PSD3: variants seen among roughly 807,000 people sequenced by gnomAD.
The protein encoded by PSD3 is PH and SEC7 domain-containing protein 3.
A neutral mutation model predicts 105.5 loss-of-function variants in PSD3; 49 were observed. The observed-to-expected ratio is 0.46, with a 90% CI of 0.37 to 0.59. PSD3 has a LOEUF of 0.59. Ranked by LOEUF, PSD3 falls within the 20% of genes least tolerant of loss-of-function variation. The pLI is 0.00. For synonymous variants in PSD3, 557 were observed against 457.8 expected (o/e 1.22, Z -2.77); for missense variants, 1,561 against 1,263.8 (o/e 1.24, Z -3.57).
intron 15 of PSD3, among the ~76,000 whole-genome samples, chr8:18,549,384 T>G (rs919490923): frequency 7.2e-5 from 11 of 152,260 alleles, no homozygotes; most frequent in Middle Eastern, 3.4e-3. Context: ...TTTCTTTGTA[T>G]TTTTAATTGA....
intron 2 of PSD3, among the ~76,000 whole-genome samples, chr8:18,928,192 C>T (rs893461553): frequency 9.2e-5 from 14 of 152,210 alleles, no homozygotes; most frequent in African/African-American, 3.1e-4. Flanking sequence ...ATAATGGAAT[C>T]ATGCGGGCAG....
At chr8:18,749,958 C>T (rs1255072683) in intron 9 of PSD3, among the ~76,000 whole-genome samples, 1 of 152,124 alleles carries the variant, frequency 6.6e-6, no homozygotes. Context: ...AGACACAGTC[C>T]TGCCTAAATC....
chr8:18,730,763 T>TA (rs1246194543), intron 9 of PSD3, among the ~76,000 whole-genome samples: 3 of 152,172 alleles, frequency 2.0e-5, no homozygotes, highest in African/African-American at 4.8e-5. Context: ...AGCCTTGTCT[T>TA]AGAGTTTAAG....
intron 12 of PSD3, among the ~76,000 whole-genome samples, chr8:18,578,683 C>T (rs2130385787): frequency 6.6e-6 from 1 of 151,448 alleles, no homozygotes; most frequent in Non-Finnish European, 1.5e-5. Flanking sequence ...CTGATATCTT[C>T]ATTTAAAATC....
chr8:18,852,962 A>T (rs1815713044), intron 4 of PSD3, among the ~76,000 whole-genome samples: 1 of 152,146 alleles, frequency 6.6e-6, no homozygotes, highest in African/African-American at 2.4e-5. Context: ...CCTATTTCAT[A>T]CACGAAGAAG....
intron 1 of PSD3, among the ~76,000 whole-genome samples, chr8:19,063,510 C>A (rs1354980709): frequency 6.6e-6 from 1 of 152,156 alleles, no homozygotes; most frequent in East Asian, 1.9e-4. Flanking sequence ...CCTTACACAA[C>A]CCCGCGATCT....
chr8:18,958,056 G>C (rs1461151655), intron 1 of PSD3, among the ~76,000 whole-genome samples: 1 of 152,094 alleles, frequency 6.6e-6, no homozygotes, highest in Non-Finnish European at 1.5e-5. Flanking sequence ...ACATACCAAA[G>C]AGGAAGGTAC....
intron 11 of PSD3, among the ~76,000 whole-genome samples, chr8:18,609,486 A>T (rs530135118): frequency 6.6e-6 from 1 of 152,380 alleles, no homozygotes; most frequent in Admixed American, 6.5e-5. Flanking sequence ...TAAGTGAGAC[A>T]TCATCTATAC....
At chr8:18,697,339 C>A (rs1398328767) in intron 9 of PSD3, among the ~76,000 whole-genome samples, 1 of 152,154 alleles carries the variant, frequency 6.6e-6, no homozygotes, top group Non-Finnish European at 1.5e-5. Flanking sequence ...AGTACTTTTA[C>A]CATCCACTCC....
chr8:18,734,810 T>G (rs960064444), intron 9 of PSD3, among the ~76,000 whole-genome samples: 6 of 152,192 alleles, frequency 3.9e-5, no homozygotes, highest in Non-Finnish European at 4.4e-5. Flanking sequence ...AGTTTCTCAT[T>G]CTGATGTTTT....
intron 9 of PSD3, among the ~76,000 whole-genome samples, chr8:18,723,140 A>C (rs1803114328): frequency 2.0e-5 from 3 of 152,188 alleles, no homozygotes; most frequent in African/African-American, 7.2e-5. Context: ...ATGCCTCTTA[A>C]GAGTGACCCA....
chr8:18,793,092 G>A (rs978733454), intron 8 of PSD3, among the ~76,000 whole-genome samples: 5 of 152,036 alleles, frequency 3.3e-5, no homozygotes, highest in East Asian at 1.9e-4. Flanking sequence ...ACCAAACACC[G>A]CATGTTCTCA....
chr8:18,631,922 G>A (rs1346601074), intron 11 of PSD3, among the ~76,000 whole-genome samples: 2 of 151,906 alleles, frequency 1.3e-5, no homozygotes, highest in Non-Finnish European at 2.9e-5. Flanking sequence ...ATCTTACTCT[G>A]TTCAAGTATA....
intron 1 of PSD3, among the ~76,000 whole-genome samples, chr8:18,967,343 C>T (rs757448144): frequency 1.7e-4 from 26 of 151,976 alleles, no homozygotes; most frequent in Admixed American, 6.6e-4. Context: ...TTAGTAGAGA[C>T]GGGGCTTCTC....
intron 4 of PSD3, among the ~76,000 whole-genome samples, chr8:18,809,996 G>C (rs1163200496): frequency 6.6e-6 from 1 of 152,082 alleles, no homozygotes; most frequent in African/African-American, 2.4e-5. Flanking sequence ...TCTGTAGCAT[G>C]TCCTAAGGCC....
chr8:18,673,132 T>A (rs2130919698), intron 9 of PSD3, among the ~76,000 whole-genome samples: 1 of 152,128 alleles, frequency 6.6e-6, no homozygotes, highest in South Asian at 2.1e-4. Flanking sequence ...TTCAATATGA[T>A]CTATTGACTT....
At chr8:18,720,259 G>A (rs529942115) in intron 9 of PSD3, among the ~76,000 whole-genome samples, 1 of 152,192 alleles carries the variant, frequency 6.6e-6, no homozygotes, top group Non-Finnish European at 1.5e-5. Context: ...GGTCATTAAA[G>A]TACCAGGCAC....
intron 9 of PSD3, among the ~76,000 whole-genome samples, chr8:18,728,652 G>T (rs1803505150): frequency 6.6e-6 from 1 of 152,168 alleles, no homozygotes; most frequent in Non-Finnish European, 1.5e-5. Flanking sequence ...AGACTTTCAA[G>T]GGCCAAGCAG....
chr8:19,014,588 G>T (rs375038199), upstream of PSD3: 2 of 152,256 alleles, frequency 1.3e-5, no homozygotes, highest in South Asian at 4.1e-4. The surrounding 1 kb of genome is among the most constrained non-coding windows in gnomAD (Gnocchi z 4.9). Flanking sequence ...ACCTGGAGGC[G>T]GAACCTGTGT....
Sources: gnomAD v4.1 joint callset for allele counts (sites outside exome capture counted in the v4.1 genomes callset) on GRCh38, gnomAD v4.1.1 for gene constraint, Gnocchi (gnomAD v3.1) non-coding constraint, MANE v1.5 for transcripts, NCBI Gene and HGNC (gene_info 2026-07-23, HGNC 2026-07-21) for gene names.